Variants in EFHC2 observed in about 807,000 individuals in gnomAD.
EFHC2 encodes EF-hand domain-containing family member C2.
EFHC2 carries 18 observed loss-of-function variants against 52.7 expected under a neutral mutation model. That is an observed-to-expected ratio of 0.34 (90% CI 0.24 to 0.51). The LOEUF (loss-of-function observed/expected upper bound fraction) is 0.51. EFHC2 is among the 20% of genes least tolerant of loss of function. The pLI is 0.97. For synonymous variants in EFHC2, 203 were observed against 204.1 expected (o/e 0.99, Z 0.04); for missense variants, 513 against 562.5 (o/e 0.91, Z 0.89).
intron 2 of EFHC2, among the ~76,000 whole-genome samples, chrX:44,311,313 G>A (rs930991676): frequency 1.8e-5 from 2 of 111,820 alleles, no homozygotes; most frequent in African/African-American, 6.5e-5. Flanking sequence ...CACTCTAATT[G>A]ATCTACCCTA....
At chrX:44,316,949 G>A (rs191658349) in intron 1 of EFHC2, among the ~76,000 whole-genome samples, 17 of 112,156 alleles carry the variant, frequency 1.5e-4, no homozygotes, top group African/African-American at 5.5e-4. Context: ...AGTTACTACT[G>A]TTAGTACTTG....
chrX:44,269,761 G>A (rs1453180480), intron 3 of EFHC2, among the ~76,000 whole-genome samples: 2 of 111,117 alleles, frequency 1.8e-5, no homozygotes, highest in African/African-American at 6.6e-5. Context: ...CCCAGCCCCA[G>A]GTATTCCTTT....
intron 11 of EFHC2, among the ~76,000 whole-genome samples, chrX:44,229,339 C>G (rs2037257419): frequency 9.0e-6 from 1 of 111,634 alleles, no homozygotes. Context: ...TTTTTTCTGT[C>G]TTTCTCACTC....
chrX:44,248,557 G>A, intron 6 of EFHC2, 147 bp from the exon 7 acceptor site: 1 of 718,050 alleles, frequency 1.4e-6, no homozygotes, highest in Non-Finnish European at 2.0e-6. Flanking sequence ...GCAACCAGTT[G>A]ATGTTAATAT....
intron 3 of EFHC2, among the ~76,000 whole-genome samples, chrX:44,262,336 GA>G (rs1314516131): frequency 1.5e-4 from 15 of 102,661 alleles, no homozygotes; most frequent in African/African-American, 3.6e-4. Flanking sequence ...CTCTACAAAA[GA>G]AAAAAAAAAT....
intron 2 of EFHC2, among the ~76,000 whole-genome samples, chrX:44,282,388 G>A (rs1304609106): frequency 2.0e-5 from 2 of 101,622 alleles, no homozygotes; most frequent in African/African-American, 7.2e-5. Flanking sequence ...TGGAACACCT[G>A]AGATTAGGAG....
intron 11 of EFHC2, among the ~76,000 whole-genome samples, chrX:44,189,730 C>T (rs1422267593): frequency 1.8e-5 from 2 of 110,816 alleles, no homozygotes; most frequent in Admixed American, 9.6e-5. Flanking sequence ...CTCTAAGCCT[C>T]TTGTTGAGTG....
intron 14 of EFHC2, among the ~76,000 whole-genome samples, chrX:44,156,603 T>C (rs186074012): frequency 1.1e-3 from 120 of 112,153 alleles, no homozygotes; most frequent in African/African-American, 3.8e-3. Context: ...TATCATCCTA[T>C]TGTGAAAGAG....
intron 2 of EFHC2, among the ~76,000 whole-genome samples, chrX:44,281,508 T>G (rs1417084721): frequency 8.9e-6 from 1 of 111,827 alleles, no homozygotes; most frequent in African/African-American, 3.3e-5. Context: ...GTGTATAGCC[T>G]CCTTCCTGTA....
chrX:44,148,225 A>ATGTGTGTG lies in EFHC2; in HGVS notation c.*569_*570insCACACACA, dbSNP rs1385142807. 2 of 95,052 alleles carry ATGTGTGTG rather than the reference A, an allele frequency of 2.1e-5. No homozygotes were observed. The highest frequency in any genetic ancestry group is 7.9e-5 in the African/African-American group (2 of 25,458). The allele number at this position is 95,052 out of a possible 1,213,427, so 7.8% of individuals were successfully genotyped here. A position where few individuals can be genotyped will look rare whatever the true frequency, so the allele number is the denominator to read the frequency against. Reference sequence around the variant, plus strand: ...CTGCATATGTTTCCAGTGTGTGTGCACGTGCGTGTGTGTGTGTGTGTGTGT... The same window carrying ATGTGTGTG: ...CTGCATATGTTTCCAGTGTGTGTGCATGTGTGTGCGTGCGTGTGTGTGTGTGTGTGTGT... On this transcript the variant is annotated 3_prime_UTR_variant, in exon 15 of 15. Coordinates refer to ENST00000420999, the MANE Select transcript of EFHC2 (RefSeq NM_025184.4).
chrX:44,258,345 G>A (rs1269353752), intron 4 of EFHC2, among the ~76,000 whole-genome samples: 2 of 109,296 alleles, frequency 1.8e-5, no homozygotes, highest in Non-Finnish European at 3.8e-5. Context: ...GAGTGAACAG[G>A]CAACCTACAG....
chrX:44,314,342 G>A (rs192411626), intron 1 of EFHC2, among the ~76,000 whole-genome samples: 4 of 112,345 alleles, frequency 3.6e-5, no homozygotes, highest in Non-Finnish European at 7.5e-5. Flanking sequence ...TGCAAAACAT[G>A]ATGCCTTGGC....
At chrX:44,254,888 C>T (rs1274298016) in intron 4 of EFHC2, among the ~76,000 whole-genome samples, 2 of 111,695 alleles carry the variant, frequency 1.8e-5, no homozygotes, top group African/African-American at 6.5e-5. Context: ...GTCGGGTTAC[C>T]CACAAAGGGA....
intron 11 of EFHC2, among the ~76,000 whole-genome samples, chrX:44,182,727 T>C (rs1424304494): frequency 8.9e-6 from 1 of 112,365 alleles, no homozygotes; most frequent in Admixed American, 9.5e-5. Flanking sequence ...TGATCTTGTG[T>C]CCTGTGATTA....
chrX:44,185,172 C>T (rs1289149844), intron 11 of EFHC2, among the ~76,000 whole-genome samples: 1 of 111,899 alleles, frequency 8.9e-6, no homozygotes, highest in Non-Finnish European at 1.9e-5. Context: ...GTAAGTTTAC[C>T]TTGGAGAAAT....
intron 2 of EFHC2, among the ~76,000 whole-genome samples, chrX:44,305,602 C>T (rs1257189403): frequency 8.9e-6 from 1 of 112,552 alleles, no homozygotes; most frequent in Non-Finnish European, 1.9e-5. Flanking sequence ...GCCTCATTTG[C>T]CTTACCCTAG....
chrX:44,289,924 G>A (rs368130909), intron 2 of EFHC2, among the ~76,000 whole-genome samples: 4 of 110,863 alleles, frequency 3.6e-5, no homozygotes, highest in East Asian at 2.8e-4. Context: ...CTCGTGATCC[G>A]CCCGCCTCGG....
chrX:44,308,676 T>C (rs922350261), intron 2 of EFHC2, among the ~76,000 whole-genome samples: 2 of 112,163 alleles, frequency 1.8e-5, no homozygotes, highest in African/African-American at 6.5e-5. Context: ...GTCTTCTATC[T>C]GGCACCAACA....
chrX:44,294,807 A>C (rs1244985099), intron 2 of EFHC2, among the ~76,000 whole-genome samples: 1 of 112,047 alleles, frequency 8.9e-6, no homozygotes, highest in Non-Finnish European at 1.9e-5. Context: ...GCTAAAAGCC[A>C]TTAGGAAAGA....
Sources: allele counts gnomAD v4.1 joint callset (sites outside exome capture counted in the v4.1 genomes callset), GRCh38; gene constraint gnomAD v4.1.1; transcripts MANE v1.5; gene names NCBI Gene and HGNC (gene_info 2026-07-23, HGNC 2026-07-21).